The following ST6GALNAC3 variants were observed in gnomAD, a reference collection of about 807,000 sequenced individuals.
ST6GALNAC3 encodes the protein alpha-N-acetylgalactosaminide alpha-2,6-sialyltransferase 3.
ST6GALNAC3 carries 25 observed loss-of-function variants against 32.7 expected under a neutral mutation model. The ratio of observed to expected loss-of-function variants is 0.76; its 90% confidence interval spans 0.56 to 1.07. The LOEUF (loss-of-function observed/expected upper bound fraction) is 1.07, where lower values mean the gene tolerates loss of function less well. ST6GALNAC3 is among the 50% of genes least tolerant of loss of function. The pLI is 0.00. For synonymous variants in ST6GALNAC3, 129 were observed against 133.1 expected (o/e 0.97, Z 0.21); for missense variants, 355 against 382.4 (o/e 0.93, Z 0.60).
At chr1:76,473,483 T>G (rs1659163164) in intron 3 of ST6GALNAC3, among the ~76,000 whole-genome samples, 1 of 152,196 alleles carries the variant, frequency 6.6e-6, no homozygotes, top group Non-Finnish European at 1.5e-5. Flanking sequence ...TGATTGATTA[T>G]ATTCATACCT....
intron 1 of ST6GALNAC3, among the ~76,000 whole-genome samples, chr1:76,145,309 A>G (rs1010348141): frequency 5.3e-5 from 8 of 152,196 alleles, no homozygotes; most frequent in Non-Finnish European, 1.2e-4. Context: ...AGTCCTTTTC[A>G]CCCAGTCTAT....
At chr1:76,637,218 A>G (rs1649525526), downstream of ST6GALNAC3, 1 of 152,202 alleles carries the variant, frequency 6.6e-6, no homozygotes, top group African/African-American at 2.4e-5. Flanking sequence ...ATCTTTCAAA[A>G]TAATTTTCCT....
chr1:76,387,383 C>T (rs1652180316), intron 2 of ST6GALNAC3, among the ~76,000 whole-genome samples: 1 of 152,122 alleles, frequency 6.6e-6, no homozygotes, highest in Non-Finnish European at 1.5e-5. Flanking sequence ...GATGTCCCAA[C>T]TCCAAAATTT....
chr1:76,241,569 T>TC, intron 1 of ST6GALNAC3, among the ~76,000 whole-genome samples: 1 of 152,138 alleles, frequency 6.6e-6, no homozygotes, highest in East Asian at 1.9e-4. Flanking sequence ...AGTCCCCATC[T>TC]CCAACACTGG....
At chr1:76,587,371 G>A (rs1006067328) in intron 3 of ST6GALNAC3, among the ~76,000 whole-genome samples, 7 of 152,128 alleles carry the variant, frequency 4.6e-5, no homozygotes, top group African/African-American at 9.7e-5. Context: ...ATTACTGCTC[G>A]ATCAGTTCTC....
chr1:76,351,752 G>C (rs1363336255), intron 2 of ST6GALNAC3, among the ~76,000 whole-genome samples: 6 of 152,098 alleles, frequency 3.9e-5, no homozygotes, highest in African/African-American at 1.4e-4. Flanking sequence ...GTAATTATTA[G>C]TAGTACTCTC....
chr1:76,260,130 T>A (rs564871910), intron 1 of ST6GALNAC3, among the ~76,000 whole-genome samples: 111 of 152,242 alleles, frequency 7.3e-4, no homozygotes, highest in African/African-American at 2.5e-3. Context: ...GCAGGAAGCC[T>A]TGGGGACCAC....
chr1:76,629,174 T>G lies in ST6GALNAC3; in HGVS notation c.*368T>G. On this transcript the variant is annotated 3_prime_UTR_variant, in exon 5 of 5. Coordinates refer to ENST00000328299, the MANE Select transcript of ST6GALNAC3 (RefSeq NM_152996.4). ...GTAACTTCCAGAAGCCAAAAGAGTT[T>G]GGCTTCATGAGGCAAGGTGATTGAC... 3 of 1,020,418 alleles carry G rather than the reference T, an allele frequency of 2.9e-6. No homozygotes were observed. Among genetic ancestry groups the G allele is most frequent in the Non-Finnish European group, 3.5e-6 (3 of 853,994 alleles). 63.2% of individuals were successfully genotyped at this position (1,020,418 alleles called of 1,614,324 possible).
intron 1 of ST6GALNAC3, among the ~76,000 whole-genome samples, chr1:76,285,385 GGTGT>G (rs140357874): frequency 8.8e-5 from 13 of 148,460 alleles, no homozygotes; most frequent in East Asian, 6.0e-4. Flanking sequence ...TCGGGAGGAT[GGTGT>G]GTGTGTGTGT....
intron 1 of ST6GALNAC3, among the ~76,000 whole-genome samples, chr1:76,227,975 T>C (rs1290690139): frequency 1.3e-5 from 2 of 152,184 alleles, no homozygotes; most frequent in East Asian, 3.9e-4. Flanking sequence ...CTGCAAGTAC[T>C]CATTTGTGGA....
At chr1:76,511,369 T>C (rs1199455892) in intron 3 of ST6GALNAC3, among the ~76,000 whole-genome samples, 1 of 152,122 alleles carries the variant, frequency 6.6e-6, no homozygotes, top group Non-Finnish European at 1.5e-5. Context: ...GGATTCCGCC[T>C]CCTGGCAGGC....
At chr1:76,485,644 T>C (rs1660057734) in intron 3 of ST6GALNAC3, among the ~76,000 whole-genome samples, 1 of 152,240 alleles carries the variant, frequency 6.6e-6, no homozygotes, top group African/African-American at 2.4e-5. Context: ...TAGTGATCTA[T>C]CAATTTTGTT....
At chr1:76,470,644 G>A (rs1658961389) in intron 3 of ST6GALNAC3, among the ~76,000 whole-genome samples, 1 of 151,948 alleles carries the variant, frequency 6.6e-6, no homozygotes, top group African/African-American at 2.4e-5. Context: ...AATCCAATAG[G>A]GGGGAAAAAT....
Position 76,457,699 on chromosome 1 carries a change from G to T in ST6GALNAC3, c.623+45282G>T, listed in dbSNP as rs529401418. On this transcript the variant is annotated intron_variant, in intron 3 of 4. Coordinates refer to ENST00000328299, the MANE Select transcript of ST6GALNAC3 (RefSeq NM_152996.4). ...TAGCCATATGTAGAAAGCTGAAACT[G>T]GATCCCTTCCTTACACCTTATACAA... 5.1e-3 allele frequency among the ~76,000 whole-genome samples: 777 copies of T among 152,144 alleles called. 8 individuals carry two copies. The highest frequency in any genetic ancestry group is 0.017 in the African/African-American group (712 of 41,496).
intron 3 of ST6GALNAC3, among the ~76,000 whole-genome samples, chr1:76,624,763 G>T (rs933988829): frequency 6.6e-6 from 1 of 151,800 alleles, no homozygotes. Flanking sequence ...GAATCATGGA[G>T]TTCTCCCCAC....
chr1:76,452,257 C>T (rs1481396367), intron 3 of ST6GALNAC3, among the ~76,000 whole-genome samples: 1 of 152,116 alleles, frequency 6.6e-6, no homozygotes, highest in Non-Finnish European at 1.5e-5. Context: ...CTCTCTTTGA[C>T]TGCTGCCATC....
intron 1 of ST6GALNAC3, among the ~76,000 whole-genome samples, chr1:76,223,606 C>T (rs1281942695): frequency 6.6e-6 from 1 of 152,060 alleles, no homozygotes; most frequent in Non-Finnish European, 1.5e-5. Context: ...GTATCCAGAC[C>T]AGGCCAGAGC....
intron 3 of ST6GALNAC3, among the ~76,000 whole-genome samples, chr1:76,435,579 T>C (rs1656083492): frequency 6.6e-6 from 1 of 152,218 alleles, no homozygotes. Flanking sequence ...ACATGCATTA[T>C]GCTGAGACCC....
At chr1:76,539,167 C>T (rs758444413) in intron 3 of ST6GALNAC3, among the ~76,000 whole-genome samples, 4 of 151,994 alleles carry the variant, frequency 2.6e-5, no homozygotes, top group Non-Finnish European at 4.4e-5. Context: ...CCAAAACAGA[C>T]ATATAGACCA....
Sources: gnomAD v4.1 joint callset for allele counts (sites outside exome capture counted in the v4.1 genomes callset) on GRCh38, gnomAD v4.1.1 for gene constraint, MANE v1.5 for transcripts, NCBI Gene and HGNC (gene_info 2026-07-23, HGNC 2026-07-21) for gene names.